ZFHX2: variants seen among roughly 807,000 people sequenced by gnomAD.
ZFHX2 encodes zinc finger homeobox 2, also known as zinc finger homeobox protein 2.
Under a neutral mutation model 164.8 loss-of-function variants are expected in ZFHX2, and 75 were observed. The observed-to-expected ratio is 0.46, with a 90% confidence interval of 0.38 to 0.55. The LOEUF (loss-of-function observed/expected upper bound fraction) is 0.55. Ranked by LOEUF, ZFHX2 falls within the 20% of genes least tolerant of loss-of-function variation. The pLI is 0.00. For synonymous variants in ZFHX2, 1,217 were observed against 1,351.4 expected (o/e 0.90, Z 2.18); for missense variants, 2,933 against 3,308.0 (o/e 0.89, Z 2.78).
At chr14:23,540,799 A>G (rs944562135) in intron 1 of ZFHX2, among the ~76,000 whole-genome samples, 1 of 152,196 alleles carries the variant, frequency 6.6e-6, no homozygotes, top group African/African-American at 2.4e-5. Flanking sequence ...TGGGTGTTCA[A>G]TGAGGGTAGT....
rs372231563 is a variant in ZFHX2, at chr14:23,551,685, C to CCCTCCTCCT, written c.-401_-393dup. On this transcript the variant is annotated 5_prime_UTR_variant, in exon 1 of 10. Transcript: ENST00000419474. The surrounding 1 kb of genome is among the most constrained non-coding windows in gnomAD (Gnocchi z 5.3). Reference sequence around the variant, plus strand: ...CTCCTCCTCCTCCTTCTCCTCCTCGCCCTCCTCCTCCTCCTCCTCCTCGCC... The same window carrying CCCTCCTCCT: ...CTCCTCCTCCTCCTTCTCCTCCTCGCCCTCCTCCTCCTCCTCCTCCTCCTCCTCCTCGCC... 2 of 153,368 alleles carry CCCTCCTCCT rather than the reference C, an allele frequency of 1.3e-5. No individual in the cohort carries two copies. Among genetic ancestry groups the CCCTCCTCCT allele is most frequent in the African/African-American group, 4.9e-5 (2 of 41,078 alleles). 9.5% of individuals were successfully genotyped at this position (153,368 alleles called of 1,614,324 possible). A position where few individuals can be genotyped will look rare whatever the true frequency, so the allele number is the denominator to read the frequency against.
rs769611968 is a variant in ZFHX2 at position 23,531,521 on chromosome 14, C to G, written c.2760G>C (p.Gln920His). 1.2e-5 allele frequency: 18 copies of G among 1,492,832 alleles called. No homozygotes were observed. The highest frequency in any genetic ancestry group is 2.1e-5 in the Admixed American group (1 of 47,860). The allele number at this position is 1,492,832 out of a possible 1,614,324, so 92.5% of individuals were successfully genotyped here. ...GCCCGTGGCTGAAGCTCAGGATGCT[C>G]TGAAGAGCTGCGAGTCCTTCCTCAG... ...PTTEEGLAAL[Q>H]SILSFSHGQL... Residue 920 changes from glutamine to histidine, a missense_variant, in exon 4 of 10, where the codon CAG becomes CAC. Gln to His is a conservative substitution (Grantham distance 24). Coordinates refer to ENST00000419474, the MANE Select transcript of ZFHX2 (RefSeq NM_033400.3).
At chr14:23,552,014 A>T (rs1164916014), upstream of ZFHX2, among the ~76,000 whole-genome samples, 2 of 151,944 alleles carry the variant, frequency 1.3e-5, no homozygotes, top group African/African-American at 4.8e-5. Flanking sequence ...GAAACCATAC[A>T]TGTGTTTTGT....
At chr14:23,530,273 C>A in intron 4 of ZFHX2, 79 bp from the exon 5 acceptor site, 1 of 1,115,918 alleles carries the variant, frequency 9.0e-7, no homozygotes. Flanking sequence ...GGAAGCAGGA[C>A]AAGCAGCCAG....
chr14:23,552,424 C>A (rs998193276), upstream of ZFHX2, among the ~76,000 whole-genome samples: 1 of 151,586 alleles, frequency 6.6e-6, no homozygotes, highest in Admixed American at 6.6e-5. Flanking sequence ...TCCTAAGTAG[C>A]TGGGATTACA....
rs1566586318 is a variant in ZFHX2, at chr14:23,534,349, G to C, written c.977C>G (p.Pro326Arg). ...GATAAGGGCCTGGACTTCTGCCTCA[G>C]GGGGGCCATCCTCTGTCTGGGCCAC... The part of the protein sequence containing the change: ...ANVAQTEDGP[P>R]EAEVQALILL... Residue 326 changes from proline to arginine, a missense_variant, in exon 2 of 10, where the codon CCT (proline) becomes CGT (arginine). Transcript: ENST00000419474. The surrounding 1 kb of genome is among the most constrained non-coding windows in gnomAD (Gnocchi z 4.5). The C allele has an allele frequency of 6.5e-7, 1 of 1,536,678 alleles. No individual in the cohort carries two copies. Among genetic ancestry groups the C allele is most frequent in the Non-Finnish European group, 8.7e-7 (1 of 1,147,016 alleles).
Position 23,527,798 on chromosome 14 carries a change from A to G in ZFHX2, c.2941T>C (p.Cys981Arg), listed in dbSNP as rs1878942102. 12 of 1,535,592 alleles carry G rather than the reference A, an allele frequency of 7.8e-6. No homozygotes were observed. The highest frequency in any genetic ancestry group is 1.0e-5 in the Non-Finnish European group (12 of 1,146,792). ...CTCAGGAAGCTGCAGTATGGACAGC[A>G]GTATACCTGGAGGGAACATATGGGC... ...RDSANQTTVY[C>R]CPYCSFLSPE... Residue 981 changes from cysteine (C) to arginine (R), a missense_variant, in exon 7 of 10, where the codon TGC becomes CGC. Transcript: ENST00000419474.
rs76098996 is a variant in ZFHX2 at position 23,527,057 on chromosome 14, A to G, written c.3136-84T>C. The G allele has an allele frequency of 2.0e-3, 2,776 of 1,404,974 alleles. 46 individuals are homozygous for G. The African/African-American group carries it at 0.037, about 18-fold the overall frequency. 87.0% of individuals were successfully genotyped at this position (1,404,974 alleles called of 1,614,324 possible). On this transcript the variant is annotated intron_variant, in intron 7 of 9. Transcript: ENST00000419474. ...CCTGACCCATCTGCCCTACACCTGT[A>G]CTTGTGCCGAGATCCCTTGCCACAG...
rs1879780894 is a variant in ZFHX2, at chr14:23,533,236, G to A, written c.2041+49C>T. On this transcript the variant is annotated intron_variant, in intron 2 of 9. Transcript: ENST00000419474. The surrounding 1 kb of genome is among the most constrained non-coding windows in gnomAD (Gnocchi z 4.8). Reference sequence around the variant, plus strand: ...GGTCCTTGGGAGAAAGCACGGAATAGAGTTTGGCCCTGGGGAGGAGAGAAG... The same window carrying A: ...GGTCCTTGGGAGAAAGCACGGAATAAAGTTTGGCCCTGGGGAGGAGAGAAG... 7.0e-7 allele frequency: 1 copy of A among 1,435,664 alleles called. No homozygotes were observed. The highest frequency in any genetic ancestry group is 2.5e-5 in the East Asian group (1 of 40,018). The allele number at this position is 1,435,664 out of a possible 1,614,324, so 88.9% of individuals were successfully genotyped here.
At chr14:23,529,543 G>GA in intron 6 of ZFHX2, 167 bp downstream of exon 6, 1 of 690,554 alleles carries the variant, frequency 1.4e-6, no homozygotes, top group Non-Finnish European at 2.5e-6. Context: ...CTCTGCCCCC[G>GA]AAAGTGCTGA....
intron 5 of ZFHX2, 44 bp from the exon 6 acceptor site, chr14:23,529,812 C>T (rs1879291926): frequency 6.6e-7 from 1 of 1,522,872 alleles, no homozygotes; most frequent in Non-Finnish European, 8.8e-7. Context: ...TGACAGCCCT[C>T]AAGATGATTT....
chr14:23,550,445 A>G (rs921792466), intron 1 of ZFHX2, among the ~76,000 whole-genome samples: 1 of 152,250 alleles, frequency 6.6e-6, no homozygotes, highest in Admixed American at 6.5e-5. Context: ...GGCGTGACAC[A>G]TAGTGATAGA....
In ZFHX2 at chr14:23,531,710, G is replaced by A; in HGVS notation, c.2571C>T (p.Asp857=). The change falls in exon 4 of 10, where the codon GAC becomes GAT. Residue 857 remains aspartate, a synonymous_variant. Coordinates refer to ENST00000419474, the MANE Select transcript of ZFHX2 (RefSeq NM_033400.3). ...CTGCCCCTGCCTCCGCTCCCTCCAT[G>A]TCCAGCAGAAACTAGAACCATGGGA... ...ENSQIYKFLL[D]MEGAEAGAEL... The A allele has an allele frequency of 7.4e-7, 1 of 1,360,520 alleles. No individual in the cohort carries two copies. The highest frequency in any genetic ancestry group is 2.8e-5 in the East Asian group (1 of 35,612). The allele number at this position is 1,360,520 out of a possible 1,614,324, so 84.3% of individuals were successfully genotyped here.
Position 23,532,897 on chromosome 14 carries a change from C to T in ZFHX2, c.2229G>A (p.Arg743=), listed in dbSNP as rs780643329. The change falls in exon 3 of 10, where the codon CGG becomes CGA. Residue 743 remains arginine, a synonymous_variant. Coordinates refer to ENST00000419474, the MANE Select transcript of ZFHX2 (RefSeq NM_033400.3). The stretch of plus-strand genomic sequence containing the variant: ...CCTTCCATTCAGCTTCCGGGAGGCT[C>T]CGGCCTATGCTGCAGTGGTAGAGCA... The part of the protein sequence containing the change: ...ELLLYHCSIG[R]SLPEAEWKEV... 6.5e-7 allele frequency: 1 copy of T among 1,536,228 alleles called. No individual in the cohort carries two copies. Among genetic ancestry groups the T allele is most frequent in the South Asian group, 1.2e-5 (1 of 84,064 alleles).
rs2138635427 is a variant in ZFHX2, at chr14:23,521,583, C to CATT, written c.*376_*378dup. 4.9e-6 allele frequency: 1 copy of CATT among 204,496 alleles called. No homozygotes were observed. Among genetic ancestry groups the CATT allele is most frequent in the South Asian group, 1.1e-4 (1 of 9,220 alleles). The allele number at this position is 204,496 out of a possible 1,614,324, so 12.7% of individuals were successfully genotyped here. On this transcript the variant is annotated 3_prime_UTR_variant, in exon 10 of 10. Transcript: ENST00000419474. ...GTGTGTGTGTGCATGTATGTGTATGCATTTATGGGGATGGGGAGCTGGGAA... is the reference window on the plus strand; with the variant it reads ...GTGTGTGTGTGCATGTATGTGTATGCATTATTTATGGGGATGGGGAGCTGGGAA...
In ZFHX2 at chr14:23,531,572, C is replaced by T. The variant is rs1879556345; in HGVS notation, c.2709G>A (p.Leu903=). The T allele has an allele frequency of 2.0e-6, 3 of 1,525,958 alleles. No homozygotes were observed. Among genetic ancestry groups the T allele is most frequent in the Middle Eastern group, 1.7e-4 (1 of 5,952 alleles). 94.5% of individuals were successfully genotyped at this position (1,525,958 alleles called of 1,614,324 possible). The change falls in exon 4 of 10, where the codon CTG becomes CTA. Residue 903 remains leucine, a synonymous_variant. Transcript: ENST00000419474. ...TGGTTGGGCCATTCTGTAGCAGCTG[C>T]AGACGCCTCTGGGCCTGGGCATCGC... The part of the protein sequence containing the change: ...AHRDAQAQRR[L]QLLQNGPTTE...
chr14:23,527,939 C>T, intron 6 of ZFHX2, 135 bp from the exon 7 acceptor site: 1 of 794,476 alleles, frequency 1.3e-6, no homozygotes, highest in East Asian at 2.8e-5. Context: ...TGGAGTCTGG[C>T]TCTGTCACCC....
intron 4 of ZFHX2, 139 bp downstream of exon 4, chr14:23,531,342 G>A (rs879324621): frequency 4.4e-5 from 54 of 1,230,532 alleles, no homozygotes; most frequent in Non-Finnish European, 5.0e-5. Flanking sequence ...TTATCCCTTC[G>A]CAGCTTCTTC....
chr14:23,551,932 C>T (rs1210663893), upstream of ZFHX2, among the ~76,000 whole-genome samples: 1 of 152,182 alleles, frequency 6.6e-6, no homozygotes, highest in Non-Finnish European at 1.5e-5. This position sits in a 1 kb window ranked among gnomAD's most constrained non-coding sequence, Gnocchi z 5.3. Context: ...AGGTTCAAGC[C>T]GGTGCCTGCA....
Sources: allele counts gnomAD v4.1 joint callset (sites outside exome capture counted in the v4.1 genomes callset), GRCh38; gene constraint gnomAD v4.1.1; non-coding constraint Gnocchi (gnomAD v3.1); transcripts MANE v1.5; gene names NCBI Gene and HGNC (gene_info 2026-07-23, HGNC 2026-07-21).